Variants in RAB8A observed in about 807,000 individuals in gnomAD.
RAB8A encodes the protein RAB8A, member RAS oncogene family.
A neutral mutation model predicts 29.2 loss-of-function variants in RAB8A; 5 were observed. That is an observed-to-expected ratio of 0.17 (90% CI 0.09 to 0.36). RAB8A has a LOEUF of 0.36. Among genes scored for constraint, RAB8A ranks in the 10% least tolerant of loss-of-function variants. The probability of loss-of-function intolerance (pLI) is 1.00; values close to 1 mark genes in which losing one functional copy is unlikely to be tolerated. For synonymous variants in RAB8A, 108 were observed against 99.9 expected (o/e 1.08, Z -0.49); for missense variants, 171 against 272.2 (o/e 0.63, Z 2.62).
chr19:16,120,485 G>T (rs1375256436), intron 2 of RAB8A, among the ~76,000 whole-genome samples: 3 of 151,416 alleles, frequency 2.0e-5, no homozygotes, highest in African/African-American at 7.3e-5. Flanking sequence ...GCTAACTTTT[G>T]TATTTTTAGT....
chr19:16,118,494 A>C (rs1036958472), intron 2 of RAB8A, among the ~76,000 whole-genome samples: 1 of 152,166 alleles, frequency 6.6e-6, no homozygotes, highest in Non-Finnish European at 1.5e-5. Flanking sequence ...ACCAGGGCCT[A>C]CAGCATCATA....
rs533963632 is a variant in RAB8A, at chr19:16,132,590, G to A, written c.*286G>A. On this transcript the variant is annotated 3_prime_UTR_variant, in exon 8 of 8. Transcript: ENST00000300935. This position sits in a 1 kb window ranked among gnomAD's most constrained non-coding sequence, Gnocchi z 5.6. ...ATTCAGAGAGAGAGAGGGAGTCAAG[G>A]TGTGACCGTCGACCACAGCCAGTGT... is the stretch of plus-strand genomic sequence containing the variant. 2.4e-6 allele frequency: 1 copy of A among 414,954 alleles called. No individual in the cohort carries two copies. Among genetic ancestry groups the A allele is most frequent in the South Asian group, 2.3e-5 (1 of 42,592 alleles). 25.7% of individuals were successfully genotyped at this position (414,954 alleles called of 1,614,324 possible).
intron 1 of RAB8A, 27 bp downstream of exon 1, chr19:16,112,052 G>A: frequency 1.9e-6 from 3 of 1,611,866 alleles, no homozygotes; most frequent in Non-Finnish European, 2.5e-6. Flanking sequence ...ATGGCTGGGG[G>A]CGCCGGAGGC....
chr19:16,120,211 G>C (rs550270163), intron 2 of RAB8A, among the ~76,000 whole-genome samples: 1 of 152,160 alleles, frequency 6.6e-6, no homozygotes, highest in Non-Finnish European at 1.5e-5. Flanking sequence ...GACGTATAGA[G>C]CCCTCCGGGT....
intron 2 of RAB8A, among the ~76,000 whole-genome samples, chr19:16,120,920 A>AC (rs1304551717): frequency 1.8e-5 from 2 of 108,844 alleles, no homozygotes; most frequent in African/African-American, 6.8e-5. Context: ...CAGTTAGGTT[A>AC]CCTTTTTTTT....
At position 16,125,589 on chromosome 19, in the gene RAB8A, T is replaced by C. The variant is rs769412261; in HGVS notation, c.324+42T>C. On this transcript the variant is annotated intron_variant, in intron 4 of 7. Transcript: ENST00000300935. This position sits in a 1 kb window ranked among gnomAD's most constrained non-coding sequence, Gnocchi z 5.0. ...CCTCCCACTGTCCCTGCTTCAGTCC[T>C]TGTCCCAGAGCCCTCTGGTTTACTC... is the stretch of plus-strand genomic sequence containing the variant. The C allele has an allele frequency of 2.0e-5, 32 of 1,566,510 alleles. No individual in the cohort carries two copies. The highest frequency in any genetic ancestry group is 2.3e-5 in the Non-Finnish European group (26 of 1,141,360).
At chr19:16,124,469 C>A (rs571950721) in intron 3 of RAB8A, 1 of 152,170 alleles carries the variant, frequency 6.6e-6, no homozygotes, top group Non-Finnish European at 1.5e-5. Context: ...GAGCAGGTAG[C>A]GAGGAGGAAG....
At chr19:16,131,216 A>G (rs918177249) in intron 7 of RAB8A, among the ~76,000 whole-genome samples, 1 of 152,074 alleles carries the variant, frequency 6.6e-6, no homozygotes, top group African/African-American at 2.4e-5. Context: ...CAGCCTCCCA[A>G]AGTGCTGGGA....
chr19:16,116,299 G>A (rs1375524156), intron 1 of RAB8A, among the ~76,000 whole-genome samples: 1 of 152,134 alleles, frequency 6.6e-6, no homozygotes, highest in East Asian at 1.9e-4. Context: ...GCTGAGAGGT[G>A]ACCAGGTTAG....
At chr19:16,116,465 T>G (rs889168572) in intron 1 of RAB8A, among the ~76,000 whole-genome samples, 1 of 152,146 alleles carries the variant, frequency 6.6e-6, no homozygotes, top group Non-Finnish European at 1.5e-5. Flanking sequence ...TGGCTTTGGG[T>G]ACATTCACAG....
At chr19:16,117,411 C>A (rs1248999208) in intron 1 of RAB8A, among the ~76,000 whole-genome samples, 1 of 151,806 alleles carries the variant, frequency 6.6e-6, no homozygotes, top group Non-Finnish European at 1.5e-5. Context: ...ATCACTTGAA[C>A]CTGGGAGACA....
intron 3 of RAB8A, among the ~76,000 whole-genome samples, chr19:16,123,162 A>G (rs527475756): frequency 6.6e-6 from 1 of 152,360 alleles, no homozygotes; most frequent in East Asian, 1.9e-4. Context: ...CTCAGCAGGT[A>G]AATGGCTAGG....
Position 16,127,900 on chromosome 19 carries a change from C to G in RAB8A, c.415-126C>G, listed in dbSNP as rs934511954. 3.2e-6 allele frequency: 3 copies of G among 927,596 alleles called. No homozygotes were observed. The highest frequency in any genetic ancestry group is 1.9e-5 in the Admixed American group (1 of 52,276). The allele number at this position is 927,596 out of a possible 1,614,324, so 57.5% of individuals were successfully genotyped here. On this transcript the variant is annotated intron_variant, in intron 5 of 7. Coordinates refer to ENST00000300935, the MANE Select transcript of RAB8A (RefSeq NM_005370.5). This position sits in a 1 kb window ranked among gnomAD's most constrained non-coding sequence, Gnocchi z 4.8. ...ATTGAGGGAGTGATCCAGGAAGTCACGCCCACAGCCCCAGCCCTGTTGCTG... is the reference window on the plus strand; with the variant it reads ...ATTGAGGGAGTGATCCAGGAAGTCAGGCCCACAGCCCCAGCCCTGTTGCTG...
intron 6 of RAB8A, 24 bp from the exon 7 acceptor site, chr19:16,129,530 A>G (rs767428006): frequency 2.5e-6 from 4 of 1,613,138 alleles, no homozygotes; most frequent in African/African-American, 1.3e-5. Flanking sequence ...CATCCCAAGG[A>G]CTCACAATGT....
At chr19:16,119,449 CCCA>C (rs2090863182) in intron 2 of RAB8A, among the ~76,000 whole-genome samples, 2 of 152,204 alleles carry the variant, frequency 1.3e-5, no homozygotes, top group South Asian at 4.1e-4. Flanking sequence ...AGGTGACCCA[CCCA>C]CCTCGGCCTC....
intron 1 of RAB8A, 135 bp downstream of exon 1, chr19:16,112,160 G>A (rs1221602406): frequency 5.4e-6 from 7 of 1,306,896 alleles, no homozygotes; most frequent in Middle Eastern, 2.7e-4. Context: ...AAAGGGAGAA[G>A]AGCAGTCGCC....
Position 16,127,441 on chromosome 19 carries a change from C to G in RAB8A, c.329C>G (p.Ala110Gly), listed in dbSNP as rs1421471379. 6.6e-7 allele frequency: 1 copy of G among 1,513,668 alleles called. No homozygotes were observed. The highest frequency in any genetic ancestry group is 2.4e-5 in the East Asian group (1 of 41,770). 93.8% of individuals were successfully genotyped at this position (1,513,668 alleles called of 1,614,324 possible). Residue 110 changes from alanine to glycine, a missense_variant, in exon 5 of 8, where the codon GCC becomes GGC. By Grantham distance (60) the Ala-to-Gly change is moderately conservative. Coordinates refer to ENST00000300935, the MANE Select transcript of RAB8A (RefSeq NM_005370.5). This position sits in a 1 kb window ranked among gnomAD's most constrained non-coding sequence, Gnocchi z 4.8. ...RNWIRNIEEH[A>G]SADVEKMILG... is the part of the protein sequence containing the mutation. ...GTCTGTCCCCCTCCCTCTCAGCACG[C>G]CTCTGCAGACGTCGAAAAGATGATA...
In RAB8A at chr19:16,122,155, G is replaced by A. The variant is rs893017967; in HGVS notation, c.246+345G>A. The A allele has an allele frequency of 9.2e-6, 2 of 218,288 alleles. No individual in the cohort carries two copies. Among genetic ancestry groups the A allele is most frequent in the Admixed American group, 5.5e-5 (1 of 18,346 alleles). The allele number at this position is 218,288 out of a possible 1,614,324, so 13.5% of individuals were successfully genotyped here. A position where few individuals can be genotyped will look rare whatever the true frequency, so the allele number is the denominator to read the frequency against. ...AGGAGCTGTCACATGACCTGCATCTGTCTCTGAAATTTGCTACCAAAAGCT... is the reference window on the plus strand; with the variant it reads ...AGGAGCTGTCACATGACCTGCATCTATCTCTGAAATTTGCTACCAAAAGCT... On this transcript the variant is annotated intron_variant, in intron 3 of 7. Coordinates refer to ENST00000300935, the MANE Select transcript of RAB8A (RefSeq NM_005370.5). This position sits in a 1 kb window ranked among gnomAD's most constrained non-coding sequence, Gnocchi z 4.7.
rs2090941239 is a variant in RAB8A, at chr19:16,133,759, C to T, written c.*1455C>T. On this transcript the variant is annotated 3_prime_UTR_variant, in exon 8 of 8. Transcript: ENST00000300935. ...CGAGCGGCCACCTCAGAGGAGATGC[C>T]ACCCATCATCAAAAGACTAAATTGG... The T allele has an allele frequency of 6.6e-6, 1 of 152,380 alleles. No individual in the cohort carries two copies. Among genetic ancestry groups the T allele is most frequent in the Non-Finnish European group, 1.5e-5 (1 of 68,152 alleles). 9.4% of individuals were successfully genotyped at this position (152,380 alleles called of 1,614,324 possible).
Sources: allele counts gnomAD v4.1 joint callset (sites outside exome capture counted in the v4.1 genomes callset), GRCh38; gene constraint gnomAD v4.1.1; non-coding constraint Gnocchi (gnomAD v3.1); transcripts MANE v1.5; gene names NCBI Gene and HGNC (gene_info 2026-07-23, HGNC 2026-07-21).